Variants in GPATCH2 observed in about 807,000 individuals in gnomAD.
GPATCH2 encodes G patch domain-containing protein 2.
In GPATCH2, 51 loss-of-function variants were observed where a neutral mutation model predicts 58.0. The ratio of observed to expected loss-of-function variants is 0.88; its 90% CI spans 0.70 to 1.11. The LOEUF is 1.11. Ranked by LOEUF, GPATCH2 falls within the 50% of genes most tolerant of loss-of-function variation. The pLI is 0.00. For synonymous variants in GPATCH2, 222 were observed against 218.5 expected (o/e 1.02, Z -0.14); for missense variants, 625 against 652.2 (o/e 0.96, Z 0.45).
rs113741126 is a variant in GPATCH2, at chr1:217,545,503, A to G, written c.1099-30614T>C. Among the ~76,000 whole-genome samples the G allele has an allele frequency of 1.6e-3, 244 of 152,362 alleles. 3 individuals carry two copies. The highest frequency in any genetic ancestry group is 5.7e-3 in the African/African-American group (237 of 41,598). On this transcript the variant is annotated intron_variant, in intron 5 of 9. Transcript: ENST00000366935. ...TCCCACAGAAAGGGAAAATAAAAGG[A>G]AAGGATTTTCTTAAGAAATTCTCAT...
chr1:217,514,762 T>C (rs1663038757), intron 6 of GPATCH2, 60 bp downstream of exon 6: 1 of 753,198 alleles, frequency 1.3e-6, no homozygotes, highest in Non-Finnish European at 2.4e-6. Context: ...AGCTAATAAT[T>C]TCCCAAAAGA....
intron 5 of GPATCH2, among the ~76,000 whole-genome samples, chr1:217,575,416 T>C (rs1168017121): frequency 1.3e-5 from 2 of 152,164 alleles, no homozygotes; most frequent in Non-Finnish European, 2.9e-5. Flanking sequence ...TTGTTTCAAA[T>C]GGCATTAAGA....
chr1:217,431,830 C>T (rs112868165), intron 9 of GPATCH2, among the ~76,000 whole-genome samples: 3,220 of 152,256 alleles, frequency 0.021, 119 homozygotes, highest in African/African-American at 0.074. Flanking sequence ...TGACATTCAA[C>T]AGAACCAAAA....
chr1:217,458,172 G>A (rs2102483514), intron 8 of GPATCH2, among the ~76,000 whole-genome samples: 1 of 152,310 alleles, frequency 6.6e-6, no homozygotes, highest in African/African-American at 2.4e-5. Context: ...GGAGCTTGCA[G>A]TGAGCCGAGA....
rs1558435888 is a variant in GPATCH2, at chr1:217,498,408, G to T, written c.1167-13C>A. ...GCTAAACCAATGGCTGCAGAGGAAA[G>T]AAAAAGGCAGTTAGAGGGAACCTAA... is the stretch of plus-strand genomic sequence containing the variant. On this transcript the variant is annotated splice_polypyrimidine_tract_variant and intron_variant, in intron 6 of 9. Transcript: ENST00000366935. The T allele has an allele frequency of 3.1e-6, 5 of 1,609,800 alleles. No homozygotes were observed. The highest frequency in any genetic ancestry group is 4.3e-6 in the Non-Finnish European group (5 of 1,176,170).
At chr1:217,547,391 T>G (rs1421354191) in intron 5 of GPATCH2, among the ~76,000 whole-genome samples, 1 of 151,234 alleles carries the variant, frequency 6.6e-6, no homozygotes, top group East Asian at 1.9e-4. Context: ...GGCAAGGTTG[T>G]AAAGAAAAAG....
At chr1:217,454,155 A>G (rs559518270) in intron 8 of GPATCH2, among the ~76,000 whole-genome samples, 12 of 152,208 alleles carry the variant, frequency 7.9e-5, no homozygotes, top group Non-Finnish European at 1.8e-4. Context: ...CTTGGTGTCA[A>G]TATGTCTCAA....
intron 1 of GPATCH2, among the ~76,000 whole-genome samples, chr1:217,629,543 G>C (rs1258081719): frequency 3.3e-5 from 5 of 152,116 alleles, no homozygotes; most frequent in African/African-American, 7.2e-5. Context: ...ATCTACATAG[G>C]ACATTTTGTC....
At chr1:217,607,363 T>C (rs1668408911) in intron 5 of GPATCH2, among the ~76,000 whole-genome samples, 1 of 151,644 alleles carries the variant, frequency 6.6e-6, no homozygotes, top group Admixed American at 6.6e-5. Flanking sequence ...TAGTACCAGA[T>C]TTTTTTTTGA....
In GPATCH2 at chr1:217,609,024, C is replaced by A. The variant is rs1668495777; in HGVS notation, c.1098+1297G>T. 7.9e-6 allele frequency: 7 copies of A among 883,028 alleles called. No homozygotes were observed. In the South Asian group the frequency reaches 1.6e-4, roughly 20 times the overall value. The allele number at this position is 883,028 out of a possible 1,614,324, so 54.7% of individuals were successfully genotyped here. A position where few individuals can be genotyped will look rare whatever the true frequency, so the allele number is the denominator to read the frequency against. On this transcript the variant is annotated intron_variant, in intron 5 of 9. Transcript: ENST00000366935. ...TCTTTTCCAATCATATTTAAGTTAG[C>A]CATTAAATGCTGAATTAACAATTAA...
chr1:217,568,527 A>G (rs1304822639), intron 5 of GPATCH2, among the ~76,000 whole-genome samples: 1 of 152,210 alleles, frequency 6.6e-6, no homozygotes, highest in African/African-American at 2.4e-5. Flanking sequence ...AGGGGGTTAC[A>G]GTTTTTAAAT....
Position 217,619,938 on chromosome 1 carries a change from C to G in GPATCH2, c.618G>C (p.Lys206Asn). 2 of 1,613,714 alleles carry G rather than the reference C, an allele frequency of 1.2e-6. No individual in the cohort carries two copies. Among genetic ancestry groups the G allele is most frequent in the Non-Finnish European group, 1.7e-6 (2 of 1,179,860 alleles). Reference sequence around the variant, plus strand: ...TCAACTTTCTTTTTTTGACTTTGTTCTTGGTAAATTCTTGATACTGGTAGG... The same window carrying G: ...TCAACTTTCTTTTTTTGACTTTGTTGTTGGTAAATTCTTGATACTGGTAGG... ...DRAYQYQEFT[K>N]NKVKKRKLKI... The change falls in exon 2 of 10, where the codon AAG becomes AAC. Residue 206 changes from lysine (K) to asparagine (N), a missense_variant. Physicochemically the swap from Lys to Asn is moderately conservative, Grantham distance 94. Transcript: ENST00000366935.
chr1:217,435,931 CATG>C (rs1658804500), intron 9 of GPATCH2, among the ~76,000 whole-genome samples: 1 of 152,144 alleles, frequency 6.6e-6, no homozygotes, highest in African/African-American at 2.4e-5. Flanking sequence ...AGACATACTT[CATG>C]ATACTTTTGT....
chr1:217,521,567 G>A (rs1663460845), intron 5 of GPATCH2, among the ~76,000 whole-genome samples: 1 of 151,996 alleles, frequency 6.6e-6, no homozygotes, highest in South Asian at 2.1e-4. Flanking sequence ...AGGGTTACCA[G>A]CACATATTAT....
At chr1:217,489,403 C>G (rs1428604570) in intron 8 of GPATCH2, among the ~76,000 whole-genome samples, 1 of 150,996 alleles carries the variant, frequency 6.6e-6, no homozygotes, top group Non-Finnish European at 1.5e-5. Context: ...GCTTAACTGA[C>G]TAATGAAGTA....
chr1:217,601,447 G>A (rs986231660), intron 5 of GPATCH2, among the ~76,000 whole-genome samples: 1 of 151,562 alleles, frequency 6.6e-6, no homozygotes, highest in African/African-American at 2.4e-5. Context: ...AAATTCAGAA[G>A]CATTAGTAGT....
At chr1:217,456,559 C>T (rs1008933076) in intron 8 of GPATCH2, among the ~76,000 whole-genome samples, 1 of 152,106 alleles carries the variant, frequency 6.6e-6, no homozygotes, top group African/African-American at 2.4e-5. Flanking sequence ...ATGTAGTGTG[C>T]AAGGAGGTGA....
intron 5 of GPATCH2, among the ~76,000 whole-genome samples, chr1:217,530,815 T>A (rs754441188): frequency 6.6e-6 from 1 of 152,202 alleles, no homozygotes; most frequent in Non-Finnish European, 1.5e-5. Context: ...CTGTATAGGC[T>A]GATAATTCTG....
At chr1:217,538,069 C>G (rs1385053856) in intron 5 of GPATCH2, among the ~76,000 whole-genome samples, 1 of 152,158 alleles carries the variant, frequency 6.6e-6, no homozygotes, top group Non-Finnish European at 1.5e-5. Context: ...TTGATTCTAA[C>G]TTAGATAGAT....
Sources: gnomAD v4.1 joint callset for allele counts (sites outside exome capture counted in the v4.1 genomes callset) on GRCh38, gnomAD v4.1.1 for gene constraint, MANE v1.5 for transcripts, NCBI Gene and HGNC (gene_info 2026-07-23, HGNC 2026-07-21) for gene names.